Variants in DST observed in about 807,000 individuals in gnomAD.
DST encodes dystonin.
In DST, 253 loss-of-function variants were observed where a neutral mutation model predicts 875.2. The ratio of observed to expected loss-of-function variants is 0.29; its 90% CI spans 0.26 to 0.32. DST has a LOEUF of 0.32. Among genes scored for constraint, DST ranks in the 10% least tolerant of loss-of-function variants. DST has a pLI of 1.00. For synonymous variants in DST, 3,124 were observed against 3,197.1 expected (o/e 0.98, Z 0.77); for missense variants, 8,287 against 9,111.6 (o/e 0.91, Z 3.68).
Position 56,592,157 on chromosome 6 carries a change from T to C in DST, c.12903+25A>G, listed in dbSNP as rs754589561. ...AGCCTTTCAGTAAGACTACTGGAAA[T>C]GTGGATCTTTCTCTCGCTTTTTACC... is the stretch of plus-strand genomic sequence containing the variant. On this transcript the variant is annotated intron_variant, in intron 49 of 103. Coordinates refer to ENST00000680361, the MANE Select transcript of DST (RefSeq NM_001374736.1). 4 of 1,604,742 alleles carry C rather than the reference T, an allele frequency of 2.5e-6. No homozygotes were observed. The South Asian group carries it at 3.4e-5, about 14-fold the overall frequency.
At chr6:56,694,603 T>C (rs2099252434) in intron 9 of DST, among the ~76,000 whole-genome samples, 3 of 152,174 alleles carry the variant, frequency 2.0e-5, no homozygotes, top group Non-Finnish European at 2.9e-5. Context: ...TAATGGCTGA[T>C]ATTTGTACTA....
At chr6:56,855,706 G>C (rs770223675) in intron 3 of DST, among the ~76,000 whole-genome samples, 3 of 152,090 alleles carry the variant, frequency 2.0e-5, no homozygotes, top group Non-Finnish European at 4.4e-5. Context: ...TACAGTTCAG[G>C]ATCAAGGGTG....
At chr6:56,900,898 A>AAAAAAAG (rs1006630940) in intron 2 of DST, among the ~76,000 whole-genome samples, 3 of 148,648 alleles carry the variant, frequency 2.0e-5, no homozygotes, top group African/African-American at 7.4e-5. Flanking sequence ...AAAAGGAGGG[A>AAAAAAAG]AAAAAAGCAG....
chr6:56,871,566 C>A, intron 3 of DST: 1 of 958,226 alleles, frequency 1.0e-6, no homozygotes, highest in Non-Finnish European at 1.7e-6. Context: ...ACCTAAGACA[C>A]ACTGCTGGAC....
At chr6:56,552,110 G>T in intron 61 of DST, 74 bp downstream of exon 61, 2 of 1,445,224 alleles carry the variant, frequency 1.4e-6, no homozygotes, top group Non-Finnish European at 1.9e-6. Context: ...TACAAAATAG[G>T]CAATCTCCTT....
chr6:56,751,304 A>G (rs1045808742), intron 4 of DST, among the ~76,000 whole-genome samples: 1 of 152,210 alleles, frequency 6.6e-6, no homozygotes, highest in South Asian at 2.1e-4. Context: ...CCAATAGGGA[A>G]AAAATGCTTG....
At position 56,598,490 on chromosome 6, in the gene DST, C is replaced by T; in HGVS notation, c.11914G>A (p.Glu3972Lys). Reference protein sequence around the residue: ...LDKVVTTAIKEETEKVAAVKQ... With the variant: ...LDKVVTTAIKKETEKVAAVKQ... ...TGAATAAGGACCTTTTCAGTTTCTT[C>T]CTTGATTGCTGTTGTCACAACTTTA... The change falls in exon 46 of 104, where the codon GAA becomes AAA. Residue 3972 changes from glutamate (E) to lysine (K), a missense_variant. Transcript: ENST00000680361. The T allele has an allele frequency of 6.4e-7, 1 of 1,563,684 alleles. No homozygotes were observed. Among genetic ancestry groups the T allele is most frequent in the East Asian group, 2.3e-5 (1 of 43,940 alleles).
chr6:56,732,193 T>G (rs947206059), intron 5 of DST, among the ~76,000 whole-genome samples: 1 of 152,186 alleles, frequency 6.6e-6, no homozygotes, highest in Non-Finnish European at 1.5e-5. Context: ...AAGCAGCATA[T>G]GCAAAGCTTA....
At chr6:56,488,932 T>G (rs1448647904) in intron 86 of DST, among the ~76,000 whole-genome samples, 1 of 152,182 alleles carries the variant, frequency 6.6e-6, no homozygotes, top group Non-Finnish European at 1.5e-5. Flanking sequence ...AAAACAATGT[T>G]TCTACATGCT....
intron 61 of DST, among the ~76,000 whole-genome samples, chr6:56,543,080 G>A (rs2097164468): frequency 6.6e-6 from 1 of 152,220 alleles, no homozygotes; most frequent in South Asian, 2.1e-4. Flanking sequence ...AAAATGGGAG[G>A]GGATCCGTAG....
At chr6:56,685,867 G>T (rs1390610608) in intron 9 of DST, among the ~76,000 whole-genome samples, 1 of 152,236 alleles carries the variant, frequency 6.6e-6, no homozygotes, top group African/African-American at 2.4e-5. Flanking sequence ...TTCAGCCCCT[G>T]TGGAATGCAG....
intron 102 of DST, chr6:56,460,558 G>A (rs1335006271): frequency 4.5e-6 from 1 of 224,120 alleles, no homozygotes; most frequent in Admixed American, 5.1e-5. Flanking sequence ...TAAATGGTGA[G>A]TATGTTAGTA....
At chr6:56,761,960 C>A (rs1014026588) in intron 4 of DST, among the ~76,000 whole-genome samples, 1 of 152,114 alleles carries the variant, frequency 6.6e-6, no homozygotes, top group Non-Finnish European at 1.5e-5. Flanking sequence ...AAAGCAATTT[C>A]TATTAGTTAA....
Position 56,606,900 on chromosome 6 carries a change from A to C in DST, c.7728T>G (p.Cys2576Trp). The C allele has an allele frequency of 6.2e-7, 1 of 1,613,464 alleles. No homozygotes were observed. Among genetic ancestry groups the C allele is most frequent in the Non-Finnish European group, 8.5e-7 (1 of 1,179,592 alleles). The change falls in exon 40 of 104, where the codon TGT becomes TGG. Residue 2576 changes from cysteine (C) to tryptophan (W), a missense_variant. By Grantham distance (215) the Cys-to-Trp change is radical. This residue lies in a region of DST where 3,138 missense variants were observed against 3,116.6 expected (regional missense o/e 1.01). Coordinates refer to ENST00000680361, the MANE Select transcript of DST (RefSeq NM_001374736.1). ...TGGTTTCATCAAGCAATGGTGTAGC[A>C]CAAGTAAGAGACACAATGGCATTAT... ...DTDNAIVSLT[C>W]ATPLLDETIS...
In DST at chr6:56,603,905, A is replaced by T; in HGVS notation, c.10723T>A (p.Phe3575Ile). The part of the protein sequence containing the change: ...DEKLKDLCND[F>I]PSHLECTSGS... ...GAAGTACATTCCAAATGGCTTGGGA[A>T]ATCATTACACAGATCCTTGAGCTTC... Residue 3575 changes from phenylalanine (F) to isoleucine (I), a missense_variant, in exon 40 of 104, where the codon TTC becomes ATC. By Grantham distance (21) the Phe-to-Ile change is conservative. Coordinates refer to ENST00000680361, the MANE Select transcript of DST (RefSeq NM_001374736.1). 6.2e-7 allele frequency: 1 copy of T among 1,611,628 alleles called. No homozygotes were observed. Among genetic ancestry groups the T allele is most frequent in the Non-Finnish European group, 8.5e-7 (1 of 1,178,680 alleles).
In DST at chr6:56,763,101, C is replaced by T. The variant is rs546840879; in HGVS notation, c.626-27812G>A. 2.1e-4 allele frequency among the ~76,000 whole-genome samples: 32 copies of T among 152,104 alleles called. No individual in the cohort carries two copies. In the East Asian group the frequency reaches 5.3e-3, roughly 25 times the overall value. ...CTGACCTCAGGTGATCTGCCCATCT[C>T]GGCCTCCCAAAGTGCTGGGATTACA... On this transcript the variant is annotated intron_variant, in intron 4 of 103. Coordinates refer to ENST00000680361, the MANE Select transcript of DST (RefSeq NM_001374736.1).
rs1326005187 is a variant in DST, at chr6:56,631,316, C to T, written c.4037G>A (p.Ser1346Asn). 3 of 1,613,896 alleles carry T rather than the reference C, an allele frequency of 1.9e-6. No individual in the cohort carries two copies. Among genetic ancestry groups the T allele is most frequent in the Non-Finnish European group, 2.5e-6 (3 of 1,179,986 alleles). Residue 1346 changes from serine to asparagine, a missense_variant, in exon 30 of 104, where the codon AGT becomes AAT. Around this residue, in one of 10 missense-constraint regions of DST, gnomAD observed 3,138 missense variants for 3,116.6 expected, o/e 1.01. Transcript: ENST00000680361. ...GACTGATGAAGAGGCTGCTGCTTGA[C>T]TGAAAAACTCCTCACACTTATTTGT... ...TITNKCEEFF[S>N]QAAASSSVPT...
intron 75 of DST, among the ~76,000 whole-genome samples, chr6:56,507,227 T>C (rs2096345021): frequency 6.6e-6 from 1 of 152,204 alleles, no homozygotes; most frequent in Non-Finnish European, 1.5e-5. Flanking sequence ...GTCATTACCC[T>C]AGGCAGGACC....
Position 56,888,646 on chromosome 6 carries a change from A to G in DST, c.417+11775T>C, listed in dbSNP as rs184801951. On this transcript the variant is annotated intron_variant, in intron 3 of 103. Transcript: ENST00000680361. ...ACAGAAACACCCTGCTATATTTTCAAGAGATCAAGGATATATGCTTAAGTC... is the reference window on the plus strand; with the variant it reads ...ACAGAAACACCCTGCTATATTTTCAGGAGATCAAGGATATATGCTTAAGTC... Among the ~76,000 whole-genome samples the G allele has an allele frequency of 2.6e-5, 4 of 152,320 alleles. No individual in the cohort carries two copies. The East Asian group carries it at 7.7e-4, about 29-fold the overall frequency.
Sources: allele counts gnomAD v4.1 joint callset (sites outside exome capture counted in the v4.1 genomes callset), GRCh38; gene constraint gnomAD v4.1.1; regional missense constraint gnomAD v4.1.1; transcripts MANE v1.5; gene names NCBI Gene and HGNC (gene_info 2026-07-23, HGNC 2026-07-21).